Variants in RGS12 observed in about 807,000 individuals in gnomAD.
The protein encoded by RGS12 is regulator of G protein signaling 12.
Under a neutral mutation model 120.1 loss-of-function variants are expected in RGS12, and 66 were observed. The observed-to-expected ratio is 0.55, with a 90% confidence interval of 0.45 to 0.67. The LOEUF is 0.67. Among genes scored for constraint, RGS12 ranks in the 30% least tolerant of loss-of-function variants. RGS12 has a pLI of 0.00. For missense variants in RGS12, 1,859 were observed against 1,957.7 expected (o/e 0.95, Z 0.95); for synonymous variants, 827 against 804.7 (o/e 1.03, Z -0.47).
intron 17 of RGS12, chr4:3,432,011 T>TG: frequency 1.0e-6 from 1 of 985,410 alleles, no homozygotes; most frequent in Non-Finnish European, 1.2e-6. Flanking sequence ...AGGACACGCC[T>TG]GGATGAGAAA....
chr4:3,305,514 G>T (rs1315058815), intron 1 of RGS12, among the ~76,000 whole-genome samples: 1 of 152,254 alleles, frequency 6.6e-6, no homozygotes, highest in African/African-American at 2.4e-5. Flanking sequence ...CGGTACCCCG[G>T]TCTATTGACC....
intron 1 of RGS12, among the ~76,000 whole-genome samples, chr4:3,303,569 C>G (rs891099453): frequency 5.9e-5 from 9 of 152,196 alleles, no homozygotes; most frequent in Admixed American, 2.0e-4. Context: ...CCCTCCTCTT[C>G]CTCAGCAACT....
At chr4:3,367,706 C>G (rs1716469447) in intron 3 of RGS12, among the ~76,000 whole-genome samples, 1 of 152,210 alleles carries the variant, frequency 6.6e-6, no homozygotes, top group Non-Finnish European at 1.5e-5. Context: ...TGGCCCTGCC[C>G]CATCCCTTTC....
At chr4:3,438,661 G>A (rs1330612129) in intron 17 of RGS12, among the ~76,000 whole-genome samples, 1 of 152,192 alleles carries the variant, frequency 6.6e-6, no homozygotes, top group Non-Finnish European at 1.5e-5. Context: ...ATGTGGCAGG[G>A]CAGTGACGCC....
chr4:3,303,304 A>AG (rs1252637146), intron 1 of RGS12, among the ~76,000 whole-genome samples: 3 of 152,134 alleles, frequency 2.0e-5, no homozygotes, highest in Non-Finnish European at 2.9e-5. Flanking sequence ...CCACCATGCA[A>AG]GGTGAGCCTC....
At chr4:3,304,360 T>G (rs183151122) in intron 1 of RGS12, among the ~76,000 whole-genome samples, 5 of 152,310 alleles carry the variant, frequency 3.3e-5, no homozygotes, top group African/African-American at 1.2e-4. Flanking sequence ...GTATTCAGAT[T>G]CAGGAGACTA....
At chr4:3,423,235 G>A (rs1023344166) in intron 12 of RGS12, among the ~76,000 whole-genome samples, 5 of 152,204 alleles carry the variant, frequency 3.3e-5, no homozygotes, top group South Asian at 2.1e-4. Context: ...CTAAGATGCC[G>A]AGAGGGAGGG....
chr4:3,299,859 T>C (rs930573477), intron 1 of RGS12, among the ~76,000 whole-genome samples: 1 of 152,112 alleles, frequency 6.6e-6, no homozygotes, highest in Non-Finnish European at 1.5e-5. Flanking sequence ...TCTTTGACTT[T>C]CCAGAGGCCC....
chr4:3,344,647 G>A (rs188949355), intron 3 of RGS12, among the ~76,000 whole-genome samples: 6 of 152,330 alleles, frequency 3.9e-5, no homozygotes, highest in African/African-American at 1.4e-4. Flanking sequence ...TGCTGGGTGT[G>A]CCCCATGCCA....
intron 1 of RGS12, among the ~76,000 whole-genome samples, chr4:3,305,568 G>A (rs1327051644): frequency 6.6e-6 from 1 of 152,164 alleles, no homozygotes; most frequent in Non-Finnish European, 1.5e-5. Context: ...CCACAGCCAC[G>A]GTGCCATCAT....
At position 3,417,501 on chromosome 4, in the gene RGS12, G is replaced by C; in HGVS notation, c.2721G>C (p.Gly907=). The C allele has an allele frequency of 6.2e-7, 1 of 1,613,370 alleles. No homozygotes were observed. The highest frequency in any genetic ancestry group is 8.5e-7 in the Non-Finnish European group (1 of 1,179,978). ...CGTGGTCGCGGACCAGGAGCACCGG[G>C]AGGTCCCAGAAAAAGAGGGAGCACG... ...FFSWSRTRST[G]RSQKKREHGD... is the part of the protein sequence containing the mutation. Residue 907 remains glycine, a synonymous_variant, in exon 9 of 18, where the codon GGG becomes GGC. Transcript: ENST00000336727.
intron 13 of RGS12, 58 bp from the exon 14 acceptor site, chr4:3,425,406 C>A: frequency 6.9e-7 from 1 of 1,450,588 alleles, no homozygotes; most frequent in Non-Finnish European, 9.7e-7. Flanking sequence ...GGATCACACA[C>A]ATCTGTTCCC....
At position 3,297,917 on chromosome 4, in the gene RGS12, T is replaced by G. The variant is rs551937569; in HGVS notation, c.-102+4818T>G. Among the ~76,000 whole-genome samples, 12 of 152,328 alleles carry G rather than the reference T, an allele frequency of 7.9e-5. No homozygotes were observed. In the South Asian group the frequency reaches 2.5e-3, roughly 32 times the overall value. On this transcript the variant is annotated intron_variant, in intron 1 of 17. Transcript: ENST00000336727. The stretch of plus-strand genomic sequence containing the variant: ...AGAAACATCACATAGGTATTTTTTT[T>G]GGTCCTTGATTTAGAAAACATCTTT...
At chr4:3,312,645 G>A in intron 1 of RGS12, 1 of 231,666 alleles carries the variant, frequency 4.3e-6, no homozygotes, top group Non-Finnish European at 9.8e-6. Flanking sequence ...GAAAGTCGGG[G>A]TCTTACCTGG....
rs1366296151 is a variant in RGS12 at position 3,439,625 on chromosome 4, C to G, written c.4285C>G (p.Pro1429Ala). 1 of 1,599,700 alleles carries G rather than the reference C, an allele frequency of 6.3e-7. No homozygotes were observed. Among genetic ancestry groups the G allele is most frequent in the South Asian group, 1.1e-5 (1 of 88,850 alleles). Residue 1429 changes from proline (P) to alanine (A), a missense_variant, in exon 18 of 18, where the codon CCC (proline) becomes GCC (alanine). By Grantham distance (27) the Pro-to-Ala change is conservative (BLOSUM62 -1). Transcript: ENST00000336727. Reference protein sequence around the residue: ...PPTSDLPGLGPVPGEPAKPKT... With the variant: ...PPTSDLPGLGAVPGEPAKPKT... Reference sequence around the variant, plus strand: ...TACATCAGACCTCCCTGGCTTGGGCCCCGTCCCGGGTGAGCCTGCTAAGCC... The same window carrying G: ...TACATCAGACCTCCCTGGCTTGGGCGCCGTCCCGGGTGAGCCTGCTAAGCC...
intron 16 of RGS12, among the ~76,000 whole-genome samples, chr4:3,429,805 C>T (rs533674631): frequency 4.6e-5 from 7 of 152,232 alleles, no homozygotes; most frequent in East Asian, 1.9e-4. Flanking sequence ...AGGGAGAGCA[C>T]GTGTTGCCCC....
In RGS12 at chr4:3,342,955, G is replaced by A; in HGVS notation, c.1900G>A (p.Gly634Arg). 1.9e-6 allele frequency: 3 copies of A among 1,613,614 alleles called. No homozygotes were observed. The highest frequency in any genetic ancestry group is 2.5e-6 in the Non-Finnish European group (3 of 1,179,818). Residue 634 changes from glycine (G) to arginine (R), a missense_variant, in exon 3 of 18, where the codon GGA becomes AGA. Physicochemically the swap from Gly to Arg is moderately radical, Grantham distance 125. Transcript: ENST00000336727. ...TGTTTAGGGCTCAAAATTTGGGCGG[G>A]GAACTGGACTCACTCAGCCTTCTCA... Reference protein sequence around the residue: ...EDKKGSKFGRGTGLTQPSQRT... With the variant: ...EDKKGSKFGRRTGLTQPSQRT...
At chr4:3,391,531 C>G (rs2108994902) in intron 4 of RGS12, among the ~76,000 whole-genome samples, 1 of 152,348 alleles carries the variant, frequency 6.6e-6, no homozygotes, top group East Asian at 1.9e-4. Context: ...GCCCCTGCGG[C>G]TGCATCCCCT....
At chr4:3,311,689 G>A (rs1393519548) in intron 1 of RGS12, among the ~76,000 whole-genome samples, 1 of 152,182 alleles carries the variant, frequency 6.6e-6, no homozygotes, top group Non-Finnish European at 1.5e-5. Context: ...TTACCCTCAG[G>A]CTGTGTGTAT....
Sources: gnomAD v4.1 joint callset for allele counts (sites outside exome capture counted in the v4.1 genomes callset) on GRCh38, gnomAD v4.1.1 for gene constraint, MANE v1.5 for transcripts, NCBI Gene and HGNC (gene_info 2026-07-23, HGNC 2026-07-21) for gene names.